Variants in LINGO2 observed in about 807,000 individuals in gnomAD.
LINGO2 encodes the protein leucine rich repeat and Ig domain containing 2.
LINGO2 carries 14 observed loss-of-function variants against 30.6 expected under a neutral mutation model. The ratio of observed to expected loss-of-function variants is 0.46; its 90% confidence interval spans 0.30 to 0.72. The LOEUF is 0.72. LINGO2 is among the 30% of genes least tolerant of loss of function. The pLI is 0.07. For synonymous variants in LINGO2, 317 were observed against 288.5 expected (o/e 1.10, Z -1.00); for missense variants, 729 against 751.7 (o/e 0.97, Z 0.35).
intron 4 of LINGO2, among the ~76,000 whole-genome samples, chr9:28,264,320 T>C (rs572891853): frequency 3.7e-4 from 57 of 152,084 alleles, no homozygotes; most frequent in African/African-American, 5.5e-4. Context: ...GGGGGTACAA[T>C]TGATCTGTCT....
At chr9:28,911,406 C>T in the LINGO2 span, among the ~76,000 whole-genome samples, 3 of 151,926 alleles carry the variant, frequency 2.0e-5, no homozygotes, top group Non-Finnish European at 4.4e-5. Context: ...ATTTCCACTA[C>T]AGGTACATAT....
the LINGO2 span, among the ~76,000 whole-genome samples, chr9:28,765,622 G>A: frequency 1.3e-5 from 2 of 151,988 alleles, no homozygotes; most frequent in Non-Finnish European, 1.5e-5. Context: ...GGTCCCTTAG[G>A]TTATGCTTCT....
At chr9:28,669,830 G>T (rs186833439) in intron 1 of LINGO2, among the ~76,000 whole-genome samples, 15 of 152,002 alleles carry the variant, frequency 9.9e-5, no homozygotes, top group Non-Finnish European at 2.1e-4. Flanking sequence ...TATTAATAAA[G>T]AAACATCTTC....
intron 1 of LINGO2, among the ~76,000 whole-genome samples, chr9:28,643,143 C>T (rs1272905447): frequency 6.6e-6 from 1 of 151,928 alleles, no homozygotes; most frequent in Non-Finnish European, 1.5e-5. Flanking sequence ...AATGTAATTT[C>T]TATCAAAATA....
chr9:28,902,582 A>T, the LINGO2 span, among the ~76,000 whole-genome samples: 1 of 152,158 alleles, frequency 6.6e-6, no homozygotes, highest in Non-Finnish European at 1.5e-5. Flanking sequence ...AGCAGAATAA[A>T]TGTTCTTCTC....
chr9:28,906,398 G>T, the LINGO2 span, among the ~76,000 whole-genome samples: 5 of 151,480 alleles, frequency 3.3e-5, no homozygotes, highest in African/African-American at 1.2e-4. Context: ...AAATCATACA[G>T]TACATAATAC....
At chr9:27,997,388 G>A (rs1230775570) in intron 5 of LINGO2, among the ~76,000 whole-genome samples, 3 of 152,078 alleles carry the variant, frequency 2.0e-5, no homozygotes, top group African/African-American at 4.8e-5. Flanking sequence ...ACTTTGAGAT[G>A]TGCTCCCCCC....
At chr9:28,759,164 G>C in the LINGO2 span, among the ~76,000 whole-genome samples, 1 of 152,016 alleles carries the variant, frequency 6.6e-6, no homozygotes, top group East Asian at 1.9e-4. Context: ...TCAAATAGTA[G>C]AGGAGAGACT....
the LINGO2 span, among the ~76,000 whole-genome samples, chr9:28,777,004 G>A: frequency 5.9e-5 from 9 of 151,960 alleles, no homozygotes; most frequent in Admixed American, 5.9e-4. Context: ...ACGAGATCTG[G>A]TTGTTTAAAA....
the LINGO2 span, among the ~76,000 whole-genome samples, chr9:28,706,866 T>A: frequency 1.3e-5 from 2 of 152,130 alleles, no homozygotes; most frequent in Non-Finnish European, 2.9e-5. Flanking sequence ...ATCTGCTCTT[T>A]ACCTGAAACT....
At chr9:28,940,967 G>A in the LINGO2 span, among the ~76,000 whole-genome samples, 1 of 149,630 alleles carries the variant, frequency 6.7e-6, no homozygotes, top group East Asian at 2.0e-4. Context: ...TATCTTAAAA[G>A]GAACACTCAT....
intron 1 of LINGO2, among the ~76,000 whole-genome samples, chr9:28,632,676 ATATAAAAATATATT>A (rs200868235): frequency 0.035 from 3,647 of 104,650 alleles, 119 homozygotes; most frequent in East Asian, 0.12. Context: ...TAAAATATCT[ATATAAAAATATATT>A]TATATAGATC....
chr9:28,347,928 T>C (rs555332355), intron 3 of LINGO2, among the ~76,000 whole-genome samples: 1 of 152,202 alleles, frequency 6.6e-6, no homozygotes, highest in Non-Finnish European at 1.5e-5. Flanking sequence ...TTGAGATAAT[T>C]AGTATTATCA....
the LINGO2 span, among the ~76,000 whole-genome samples, chr9:28,713,273 G>A: frequency 1.3e-5 from 2 of 151,840 alleles, no homozygotes; most frequent in South Asian, 2.1e-4. Flanking sequence ...ATATACAAAC[G>A]GTCATACAAA....
intron 3 of LINGO2, among the ~76,000 whole-genome samples, chr9:28,347,040 C>A (rs528808283): frequency 5.3e-5 from 8 of 151,974 alleles, no homozygotes; most frequent in Admixed American, 1.3e-4. Flanking sequence ...TAATTAGATC[C>A]CATTTGTCAA....
At chr9:28,025,652 G>A (rs1175321008) in intron 4 of LINGO2, among the ~76,000 whole-genome samples, 1 of 152,184 alleles carries the variant, frequency 6.6e-6, no homozygotes, top group Non-Finnish European at 1.5e-5. Flanking sequence ...TGGTTTCATG[G>A]TTGGAGGCCA....
chr9:28,177,766 C>T (rs1199904814), intron 4 of LINGO2, among the ~76,000 whole-genome samples: 4 of 152,060 alleles, frequency 2.6e-5, no homozygotes, highest in Non-Finnish European at 5.9e-5. Context: ...TCCTCTCATT[C>T]TTAACAAAAA....
chr9:28,237,874 A>T (rs1821635258), intron 4 of LINGO2, among the ~76,000 whole-genome samples: 1 of 152,034 alleles, frequency 6.6e-6, no homozygotes, highest in Non-Finnish European at 1.5e-5. Flanking sequence ...ACAAAAACAA[A>T]CAAACAAAAA....
chr9:28,299,577 T>C (rs1353729639), intron 3 of LINGO2, among the ~76,000 whole-genome samples: 1 of 152,150 alleles, frequency 6.6e-6, no homozygotes, highest in African/African-American at 2.4e-5. Context: ...AGTTTCTTTT[T>C]AATTGTCTCC....
Sources: gnomAD v4.1 joint callset for allele counts (sites outside exome capture counted in the v4.1 genomes callset) on GRCh38, gnomAD v4.1.1 for gene constraint, MANE v1.5 for transcripts, NCBI Gene and HGNC (gene_info 2026-07-23, HGNC 2026-07-21) for gene names.